SENP5: variants seen among roughly 807,000 people sequenced by gnomAD.
SENP5 encodes the protein sentrin-specific protease 5.
SENP5 carries 21 observed loss-of-function variants against 74.2 expected under a neutral mutation model. That is an observed-to-expected ratio of 0.28 (90% CI 0.20 to 0.41). The LOEUF (loss-of-function observed/expected upper bound fraction) is 0.41, where lower values mean the gene tolerates loss of function less well. Among genes scored for constraint, SENP5 ranks in the 10% least tolerant of loss-of-function variants. The probability of loss-of-function intolerance (pLI) is 1.00; values close to 1 mark genes in which losing one functional copy is unlikely to be tolerated. For missense variants in SENP5, 717 were observed against 889.1 expected, an observed-to-expected ratio of 0.81 and a Z score of 2.46; for synonymous variants, 311 against 312.7, an observed-to-expected ratio of 0.99 and a Z score of 0.06.
At chr3:196,926,222 G>A (rs967443963) in intron 7 of SENP5, among the ~76,000 whole-genome samples, 4 of 152,102 alleles carry the variant, frequency 2.6e-5, no homozygotes, top group Non-Finnish European at 4.4e-5. Context: ...GGTGGCTCAC[G>A]CCTGTGATCC....
intron 6 of SENP5, among the ~76,000 whole-genome samples, chr3:196,907,962 G>A (rs1370813319): frequency 6.6e-6 from 1 of 151,954 alleles, no homozygotes; most frequent in Non-Finnish European, 1.5e-5. Flanking sequence ...AAAAAGAAAG[G>A]TTGAAAATGA....
chr3:196,884,903 C>T (rs115616132), intron 1 of SENP5, among the ~76,000 whole-genome samples: 2,747 of 152,150 alleles, frequency 0.018, 32 homozygotes, highest in Non-Finnish European at 0.025. Flanking sequence ...GAAAATGATT[C>T]TTAAGTTTAT....
chr3:196,919,148 G>A (rs1037517169), intron 6 of SENP5, among the ~76,000 whole-genome samples: 4 of 152,158 alleles, frequency 2.6e-5, no homozygotes, highest in African/African-American at 9.7e-5. Flanking sequence ...TGCAATAATA[G>A]CTAGAGACCT....
At chr3:196,914,344 G>A (rs1297312129) in intron 6 of SENP5, 5 of 151,726 alleles carry the variant, frequency 3.3e-5, no homozygotes, top group Non-Finnish European at 7.4e-5. Flanking sequence ...GTAAACTGAT[G>A]TTAAATATCT....
chr3:196,925,270 G>A (rs1042310217), intron 7 of SENP5, among the ~76,000 whole-genome samples: 9 of 151,564 alleles, frequency 5.9e-5, no homozygotes, highest in Admixed American at 1.3e-4. Context: ...TCAAGTTTTC[G>A]AAATCCACAT....
chr3:196,913,581 C>G (rs1187382793), intron 6 of SENP5, among the ~76,000 whole-genome samples: 1 of 122,594 alleles, frequency 8.2e-6, no homozygotes, highest in Non-Finnish European at 1.7e-5. Flanking sequence ...AAAAAAAAAA[C>G]AAAAAAAACT....
intron 2 of SENP5, among the ~76,000 whole-genome samples, chr3:196,898,952 G>A (rs138922361): frequency 3.0e-4 from 46 of 152,030 alleles, no homozygotes; most frequent in Middle Eastern, 3.4e-3. Context: ...GGTGGCAGGC[G>A]CCTGTAGTCA....
chr3:196,885,327 C>G lies in SENP5; in HGVS notation c.146C>G (p.Thr49Ser), dbSNP rs1465918986. The change falls in exon 2 of 10, where the codon ACT (threonine) becomes AGT (serine). Residue 49 changes from threonine to serine, a missense_variant. By Grantham distance (58) the Thr-to-Ser change is moderately conservative. Coordinates refer to ENST00000323460, the MANE Select transcript of SENP5 (RefSeq NM_152699.5). ...ILKAKLGRPV[T>S]WNRQLRHFQG... is the part of the protein sequence containing the mutation. Reference sequence around the variant, plus strand: ...AAAGCTAAGCTGGGAAGGCCAGTTACTTGGAATAGACAGTTGAGACATTTC... The same window carrying G: ...AAAGCTAAGCTGGGAAGGCCAGTTAGTTGGAATAGACAGTTGAGACATTTC... 6.2e-7 allele frequency: 1 copy of G among 1,614,174 alleles called. No homozygotes were observed. Among genetic ancestry groups the G allele is most frequent in the Admixed American group, 1.7e-5 (1 of 60,020 alleles).
rs191708227 is a variant in SENP5 at position 196,902,664 on chromosome 3, C to T, written c.1807-869C>T. On this transcript the variant is annotated intron_variant, in intron 5 of 9. Transcript: ENST00000323460. ...CAGTGCTAAGGGAACAGTTTTATCA[C>T]CTCAAGTTACTGAATGAGCACTTTA... is the stretch of plus-strand genomic sequence containing the variant. Among the ~76,000 whole-genome samples the T allele has an allele frequency of 2.0e-5, 3 of 152,302 alleles. No individual in the cohort carries two copies. In the East Asian group the frequency reaches 5.8e-4, roughly 29 times the overall value.
chr3:196,903,668 G>A (rs1421258115), intron 6 of SENP5, 58 bp downstream of exon 6: 3 of 1,026,804 alleles, frequency 2.9e-6, no homozygotes, highest in Non-Finnish European at 4.4e-6. Flanking sequence ...AAACCACTTT[G>A]TGTGGAAGGA....
chr3:196,889,648 CTCT>C (rs912849607), intron 2 of SENP5, among the ~76,000 whole-genome samples: 14 of 152,184 alleles, frequency 9.2e-5, no homozygotes, highest in African/African-American at 1.7e-4. Flanking sequence ...CTCATGGACT[CTCT>C]TCTTCCTCCT....
chr3:196,885,861 T>A lies in SENP5; in HGVS notation c.680T>A (p.Leu227Ter). The stretch of plus-strand genomic sequence containing the variant: ...CTTAACCAACATAGAAGGATAAAAT[T>A]ATCTCCTCTTATGATGTATGAGAAA... ...FQLNQHRRIK[L>*]SPLMMYEKLS... is the part of the protein sequence containing the mutation. Residue 227 changes from leucine (L) to a stop codon, truncating the protein, a stop_gained, in exon 2 of 10, where the codon TTA (leucine) becomes TAA (stop). Transcript: ENST00000323460. LOFTEE classifies it high-confidence loss of function. 4 of 1,613,974 alleles carry A rather than the reference T, an allele frequency of 2.5e-6. No homozygotes were observed. Among genetic ancestry groups the A allele is most frequent in the Non-Finnish European group, 3.4e-6 (4 of 1,179,998 alleles).
chr3:196,901,748 AATC>A (rs1471241166), intron 5 of SENP5, among the ~76,000 whole-genome samples: 2 of 152,250 alleles, frequency 1.3e-5, no homozygotes, highest in Non-Finnish European at 2.9e-5. Flanking sequence ...AAATTCTCTT[AATC>A]ATCAGAAAGT....
chr3:196,886,613 C>G lies in SENP5; in HGVS notation c.1432C>G (p.Leu478Val), dbSNP rs1713987906. The G allele has an allele frequency of 6.2e-6, 10 of 1,611,080 alleles. No homozygotes were observed. The East Asian group carries it at 2.0e-4, about 32-fold the overall frequency. The change falls in exon 2 of 10, where the codon CTA (leucine) becomes GTA (valine). Residue 478 changes from leucine (L) to valine (V), a missense_variant. Leu to Val is a conservative substitution (Grantham distance 32, BLOSUM62 1). This residue lies in a region of SENP5 where 567 missense variants were observed against 577.4 expected (regional missense o/e 0.98). Coordinates refer to ENST00000323460, the MANE Select transcript of SENP5 (RefSeq NM_152699.5). ...TCCCTTGGTGTGCAGTGGACTCAAACTAGAAAATCAAGTAGGAGGTGGAAA... is the reference window on the plus strand; with the variant it reads ...TCCCTTGGTGTGCAGTGGACTCAAAGTAGAAAATCAAGTAGGAGGTGGAAA... ...EAPLVCSGLKLENQVGGGKNS... is the reference protein window; with the variant it reads ...EAPLVCSGLKVENQVGGGKNS...
At chr3:196,875,117 A>G (rs183816058) in intron 1 of SENP5, among the ~76,000 whole-genome samples, 1 of 152,330 alleles carries the variant, frequency 6.6e-6, no homozygotes, top group Admixed American at 6.5e-5. Flanking sequence ...GACTAAAGGC[A>G]TAGTCAGTAT....
At chr3:196,882,829 A>G (rs980816668) in intron 1 of SENP5, among the ~76,000 whole-genome samples, 1 of 152,090 alleles carries the variant, frequency 6.6e-6, no homozygotes, top group Non-Finnish European at 1.5e-5. Flanking sequence ...AATAATGACC[A>G]CTAAGAAACT....
At chr3:196,923,980 T>G (rs1715720456) in intron 7 of SENP5, among the ~76,000 whole-genome samples, 2 of 151,940 alleles carry the variant, frequency 1.3e-5, no homozygotes, top group Admixed American at 1.3e-4. Context: ...GGTTTCCGGA[T>G]TTTCCTGCAC....
At chr3:196,870,345 C>T (rs1713157441) in intron 1 of SENP5, among the ~76,000 whole-genome samples, 1 of 151,980 alleles carries the variant, frequency 6.6e-6, no homozygotes, top group African/African-American at 2.4e-5. Context: ...CTGCGTTGAA[C>T]TTTCTCTTTT....
chr3:196,878,068 A>T (rs900257566), intron 1 of SENP5, among the ~76,000 whole-genome samples: 3 of 152,228 alleles, frequency 2.0e-5, no homozygotes, highest in Non-Finnish European at 4.4e-5. Context: ...AGGAACAATG[A>T]GAATAACAAC....
Sources: allele counts gnomAD v4.1 joint callset (sites outside exome capture counted in the v4.1 genomes callset), GRCh38; gene constraint gnomAD v4.1.1; regional missense constraint gnomAD v4.1.1; transcripts MANE v1.5; gene names NCBI Gene and HGNC (gene_info 2026-07-23, HGNC 2026-07-21).